KIF21B: variants seen among roughly 807,000 people sequenced by gnomAD.
KIF21B encodes kinesin-like protein KIF21B.
A neutral mutation model predicts 192.9 loss-of-function variants in KIF21B; 85 were observed. The observed-to-expected ratio is 0.44, with a 90% confidence interval of 0.37 to 0.53. The LOEUF is 0.53. Among genes scored for constraint, KIF21B ranks in the 20% least tolerant of loss-of-function variants. The pLI, the probability that KIF21B is intolerant of heterozygous loss-of-function variation, is 0.00. For missense variants in KIF21B, 1,716 were observed against 2,194.8 expected (o/e 0.78, Z 4.36); for synonymous variants, 832 against 884.6 (o/e 0.94, Z 1.05).
chr1:200,992,577 T>A (rs1211126947), intron 15 of KIF21B, among the ~76,000 whole-genome samples, 188 bp from the exon 16 acceptor site: 1 of 152,242 alleles, frequency 6.6e-6, no homozygotes, highest in Non-Finnish European at 1.5e-5. Context: ...TTAAGCCGCC[T>A]GGGCAAGCTG....
chr1:200,976,245 C>T (rs1655542058), intron 32 of KIF21B, among the ~76,000 whole-genome samples: 1 of 152,146 alleles, frequency 6.6e-6, no homozygotes, highest in African/African-American at 2.4e-5. Flanking sequence ...CGCCCGACAC[C>T]ATGCCTGGTT....
In KIF21B at chr1:201,000,332, G is replaced by C; in HGVS notation, c.1685+58C>G. 1.4e-6 allele frequency: 2 copies of C among 1,471,602 alleles called. No individual in the cohort carries two copies. Among genetic ancestry groups the C allele is most frequent in the Non-Finnish European group, 1.8e-6 (2 of 1,103,344 alleles). 91.2% of individuals were successfully genotyped at this position (1,471,602 alleles called of 1,614,324 possible). The stretch of plus-strand genomic sequence containing the variant: ...GGGCAGCAGTCCTCCTTGGGGACGG[G>C]CAGGGTCCACTGGGGCGGTCTGAGG... On this transcript the variant is annotated intron_variant, in intron 11 of 34. Transcript: ENST00000461742. The surrounding 1 kb of genome is among the most constrained non-coding windows in gnomAD (Gnocchi z 6.0).
intron 8 of KIF21B, 52 bp from the exon 9 acceptor site, chr1:201,002,402 G>A: frequency 6.5e-7 from 1 of 1,545,806 alleles, no homozygotes; most frequent in South Asian, 1.1e-5. Context: ...CGCGGTTGGG[G>A]GGGTAAGGGG....
At chr1:201,004,018 G>A (rs751148635) in intron 7 of KIF21B, among the ~76,000 whole-genome samples, 50 of 152,172 alleles carry the variant, frequency 3.3e-4, no homozygotes, top group Non-Finnish European at 6.8e-4. Context: ...AGGTGGTGAT[G>A]CATAATTGCC....
chr1:200,988,254 T>C, intron 24 of KIF21B, 42 bp downstream of exon 24: 1 of 1,575,098 alleles, frequency 6.3e-7, no homozygotes, highest in Non-Finnish European at 8.7e-7. Flanking sequence ...GTGTGGAGGC[T>C]GGCCCTGCTG....
At position 201,003,566 on chromosome 1, in the gene KIF21B, A is replaced by G; in HGVS notation, c.1212+20T>C. 1.9e-6 allele frequency: 3 copies of G among 1,612,238 alleles called. No individual in the cohort carries two copies. The highest frequency in any genetic ancestry group is 2.5e-6 in the Non-Finnish European group (3 of 1,179,418). On this transcript the variant is annotated intron_variant, in intron 8 of 34. Transcript: ENST00000461742. ...CTAGCTCCAAGGGGAGTGCTGGGCA[A>G]TGCCCAGGAGCATGCTCACCGCCTT...
At position 201,023,684 on chromosome 1, in the gene KIF21B, C is replaced by A. The variant is rs1322658558; in HGVS notation, c.-301G>T. On this transcript the variant is annotated 5_prime_UTR_variant, in exon 1 of 35. Coordinates refer to ENST00000461742, the MANE Select transcript of KIF21B (RefSeq NM_001252102.2). The surrounding 1 kb of genome is among the most constrained non-coding windows in gnomAD (Gnocchi z 5.9). The stretch of plus-strand genomic sequence containing the variant: ...GCGGCACACGCGCACACACCTCCCA[C>A]CCGGCAGCCACCTCCCGCCGCAGCG... 6.6e-6 allele frequency: 1 copy of A among 151,434 alleles called. No individual in the cohort carries two copies. The highest frequency in any genetic ancestry group is 2.4e-5 in the African/African-American group (1 of 41,336). The allele number at this position is 151,434 out of a possible 1,614,324, so 9.4% of individuals were successfully genotyped here.
At chr1:200,988,698 T>G in intron 22 of KIF21B, 68 bp downstream of exon 22, 1 of 1,552,408 alleles carries the variant, frequency 6.4e-7, no homozygotes, top group Non-Finnish European at 8.7e-7. Flanking sequence ...GAGGGCCTTG[T>G]GGGGGTCTGA....
chr1:200,991,813 AAGCC>A, intron 16 of KIF21B, 88 bp from the exon 17 acceptor site: 1 of 1,357,902 alleles, frequency 7.4e-7, no homozygotes, highest in Non-Finnish European at 1.0e-6. Context: ...CTGTAGTTGA[AAGCC>A]TGGGCTTCAG....
At position 200,975,724 on chromosome 1, in the gene KIF21B, C is replaced by T; in HGVS notation, c.4444-55G>A. On this transcript the variant is annotated intron_variant, in intron 32 of 34. Transcript: ENST00000461742. This position sits in a 1 kb window ranked among gnomAD's most constrained non-coding sequence, Gnocchi z 4.3. The stretch of plus-strand genomic sequence containing the variant: ...CCAAGTGGGAGGATGGAAGGCAGGG[C>T]CTACAGCACTGTGGACCCAGAGGCC... 2 of 1,518,996 alleles carry T rather than the reference C, an allele frequency of 1.3e-6. No homozygotes were observed. The highest frequency in any genetic ancestry group is 1.8e-6 in the Non-Finnish European group (2 of 1,125,534). 94.1% of individuals were successfully genotyped at this position (1,518,996 alleles called of 1,614,324 possible).
intron 24 of KIF21B, among the ~76,000 whole-genome samples, chr1:200,987,881 T>C (rs1030637750): frequency 6.6e-6 from 1 of 152,214 alleles, no homozygotes; most frequent in Non-Finnish European, 1.5e-5. Flanking sequence ...TTAGGTAAAC[T>C]TCCTTATTTT....
intron 1 of KIF21B, among the ~76,000 whole-genome samples, chr1:201,016,120 T>C (rs1658485581): frequency 1.3e-5 from 2 of 152,180 alleles, no homozygotes; most frequent in Non-Finnish European, 2.9e-5. Context: ...TTTAACAAGC[T>C]CAAAGTCACA....
At position 200,976,866 on chromosome 1, in the gene KIF21B, G is replaced by A. The variant is rs761251665; in HGVS notation, c.4353C>T (p.Gly1451=). The A allele has an allele frequency of 1.9e-6, 3 of 1,611,372 alleles. No individual in the cohort carries two copies. Among genetic ancestry groups the A allele is most frequent in the Non-Finnish European group, 2.5e-6 (3 of 1,178,036 alleles). Residue 1451 remains glycine, a synonymous_variant, in exon 32 of 35, where the codon GGC becomes GGT. Coordinates refer to ENST00000461742, the MANE Select transcript of KIF21B (RefSeq NM_001252102.2). Reference sequence around the variant, plus strand: ...TCAGGCACATCACAGGGCCGATGTGGCCAGTCAGCTTGCCGACAGGCTGGA... The same window carrying A: ...TCAGGCACATCACAGGGCCGATGTGACCAGTCAGCTTGCCGACAGGCTGGA... ...SRFQPVGKLT[G]HIGPVMCLTV...
chr1:200,981,858 G>C (rs142109226), intron 28 of KIF21B, among the ~76,000 whole-genome samples: 300 of 152,310 alleles, frequency 2.0e-3, no homozygotes, highest in African/African-American at 6.8e-3. Flanking sequence ...CCAAGTGAGC[G>C]TGAGGGTTTT....
intron 30 of KIF21B, 46 bp downstream of exon 30, chr1:200,979,489 C>G: frequency 6.8e-7 from 1 of 1,467,268 alleles, no homozygotes; most frequent in Non-Finnish European, 9.1e-7. Flanking sequence ...GTACCCAACA[C>G]AGCCTGCTGC....
chr1:201,007,479 CAT>C (rs1398823541), intron 3 of KIF21B, among the ~76,000 whole-genome samples: 54 of 151,058 alleles, frequency 3.6e-4, no homozygotes, highest in Non-Finnish European at 6.4e-4. Context: ...CACAGAGACA[CAT>C]AGACACACAC....
rs1470942410 is a variant in KIF21B, at chr1:200,990,656, G to A, written c.2755C>T (p.Leu919=). 1.9e-6 allele frequency: 3 copies of A among 1,614,042 alleles called. No individual in the cohort carries two copies. The highest frequency in any genetic ancestry group is 4.5e-5 in the East Asian group (2 of 44,896). The change falls in exon 19 of 35, where the codon CTG becomes TTG. Residue 919 remains leucine, a synonymous_variant. Transcript: ENST00000461742. The surrounding 1 kb of genome is among the most constrained non-coding windows in gnomAD (Gnocchi z 5.4). ...SKAARLKWQS[L]ERRIIDIVMQ... ...ACGATGTCAATGATCCGTCGCTCCA[G>A]GGACTGCCACTTGAGCCTTGCCGCC...
At chr1:201,007,095 GACACACACAGACAC>G (rs1657890039) in intron 3 of KIF21B, among the ~76,000 whole-genome samples, 1 of 100,786 alleles carries the variant, frequency 9.9e-6, no homozygotes, top group African/African-American at 4.2e-5. Context: ...CACAGAGACA[GACACACACAGACAC>G]ACACACGCAG....
intron 1 of KIF21B, among the ~76,000 whole-genome samples, chr1:201,016,854 G>A (rs1344075735): frequency 6.6e-6 from 1 of 152,152 alleles, no homozygotes; most frequent in East Asian, 1.9e-4. Context: ...TTGTATTATG[G>A]AGCCAAAGAG....
Sources: allele counts gnomAD v4.1 joint callset (sites outside exome capture counted in the v4.1 genomes callset), GRCh38; gene constraint gnomAD v4.1.1; non-coding constraint Gnocchi (gnomAD v3.1); transcripts MANE v1.5; gene names NCBI Gene and HGNC (gene_info 2026-07-23, HGNC 2026-07-21).